Variants in ACP6 observed in about 807,000 individuals in gnomAD.
ACP6 encodes acid phosphatase 6, lysophosphatidic, also known as lysophosphatidic acid phosphatase type 6.
A neutral mutation model predicts 48.1 loss-of-function variants in ACP6; 48 were observed. The ratio of observed to expected loss-of-function variants is 1.00; its 90% CI spans 0.79 to 1.27. The LOEUF (loss-of-function observed/expected upper bound fraction) is 1.27, where lower values mean the gene tolerates loss of function less well. ACP6 is among the 50% of genes most tolerant of loss of function. The pLI is 0.00. For synonymous variants in ACP6, 172 were observed against 204.2 expected (o/e 0.84, Z 1.34); for missense variants, 485 against 529.1 (o/e 0.92, Z 0.82).
chr1:147,637,616 G>C (rs1553208215), downstream of ACP6, among the ~76,000 whole-genome samples: 1 of 152,104 alleles, frequency 6.6e-6, no homozygotes, highest in Non-Finnish European at 1.5e-5. Flanking sequence ...CCAGTACCAG[G>C]ATAGCCATTG....
chr1:147,670,176 C>A lies in ACP6; in HGVS notation c.-128G>T. The A allele has an allele frequency of 1.2e-6, 1 of 849,682 alleles. No homozygotes were observed. Among genetic ancestry groups the A allele is most frequent in the South Asian group, 1.9e-5 (1 of 53,894 alleles). The allele number at this position is 849,682 out of a possible 1,614,324, so 52.6% of individuals were successfully genotyped here. ...CTGCGGATGCGTACATCCAGCCCTT[C>A]AGCAAGCAGGGACCGCTGTGCCTCC... On this transcript the variant is annotated 5_prime_UTR_variant, in exon 1 of 10. Transcript: ENST00000583509.
chr1:147,655,699 A>G (rs1660219625), intron 4 of ACP6, among the ~76,000 whole-genome samples: 1 of 152,184 alleles, frequency 6.6e-6, no homozygotes, highest in African/African-American at 2.4e-5. Context: ...CAAACTGAGA[A>G]AAGTGGACAC....
chr1:147,630,489 T>C (rs1553207207), exon 6 of ACP6: 1 of 152,238 alleles, frequency 6.6e-6, no homozygotes, highest in Non-Finnish European at 1.5e-5. Context: ...TTCTCATCTT[T>C]ACCAAGCTTC....
At chr1:147,667,617 G>A (rs1660864371) in intron 1 of ACP6, among the ~76,000 whole-genome samples, 1 of 152,158 alleles carries the variant, frequency 6.6e-6, no homozygotes, top group Non-Finnish European at 1.5e-5. Flanking sequence ...TCAGAAATCA[G>A]GAAACATGTA....
Position 147,652,430 on chromosome 1 carries a change from A to G in ACP6, c.881+19T>C. ...GTCTGACCAAGCGTGACTTCATGCC[A>G]GCAGTGAGAGCCCCTCACCTGTCTT... On this transcript the variant is annotated intron_variant, in intron 7 of 9. Transcript: ENST00000583509. The G allele has an allele frequency of 6.2e-7, 1 of 1,603,976 alleles. No individual in the cohort carries two copies. The highest frequency in any genetic ancestry group is 1.1e-5 in the South Asian group (1 of 89,876).
At chr1:147,659,931 T>C (rs1553212465) in intron 1 of ACP6, among the ~76,000 whole-genome samples, 156 bp from the exon 2 acceptor site, 2 of 152,154 alleles carry the variant, frequency 1.3e-5, no homozygotes, top group African/African-American at 4.8e-5. Context: ...TAGCTAAAAT[T>C]AAGGGAAGAA....
At position 147,648,805 on chromosome 1, in the gene ACP6, G is replaced by A. The variant is rs189481222; in HGVS notation, c.978-394C>T. 4.7e-4 allele frequency among the ~76,000 whole-genome samples: 71 copies of A among 152,290 alleles called. 2 individuals carry two copies. Among genetic ancestry groups the A allele is most frequent in the African/African-American group, 1.5e-3 (61 of 41,548 alleles). Reference sequence around the variant, plus strand: ...TTTAGTAGGGCTCCTTGTTGGGGAAGCTTGAAGTTTTGGGGTATTAAGTTT... The same window carrying A: ...TTTAGTAGGGCTCCTTGTTGGGGAAACTTGAAGTTTTGGGGTATTAAGTTT... On this transcript the variant is annotated intron_variant, in intron 8 of 9. Coordinates refer to ENST00000583509, the MANE Select transcript of ACP6 (RefSeq NM_016361.5).
rs1313327770 is a variant in ACP6, at chr1:147,646,629, G to A, written c.*794C>T. The A allele has an allele frequency of 6.6e-6, 1 of 152,210 alleles. No individual in the cohort carries two copies. The highest frequency in any genetic ancestry group is 1.5e-5 in the Non-Finnish European group (1 of 68,098). 9.4% of individuals were successfully genotyped at this position (152,210 alleles called of 1,614,324 possible). On this transcript the variant is annotated 3_prime_UTR_variant, in exon 10 of 10. Coordinates refer to ENST00000583509, the MANE Select transcript of ACP6 (RefSeq NM_016361.5). ...GCACAGTTAAAGGTGGAGCTCTTAT[G>A]TTGAGTAGTTCCAGCCTTACCATTG...
At chr1:147,636,437 G>T (rs1304699774) in intron 5 of ACP6, among the ~76,000 whole-genome samples, 2 of 152,108 alleles carry the variant, frequency 1.3e-5, no homozygotes, top group South Asian at 2.1e-4. Context: ...GGGAAAGAAA[G>T]ATACCAGAAG....
chr1:147,654,489 A>C (rs1660129538), intron 5 of ACP6, among the ~76,000 whole-genome samples, 163 bp from the exon 6 acceptor site: 1 of 152,240 alleles, frequency 6.6e-6, no homozygotes, highest in Non-Finnish European at 1.5e-5. Context: ...CTAAGGCTCT[A>C]TAAGGTCAAA....
chr1:147,652,844 T>TC (rs1660016488), intron 6 of ACP6, among the ~76,000 whole-genome samples: 1 of 151,650 alleles, frequency 6.6e-6, no homozygotes, highest in African/African-American at 2.4e-5. Context: ...TTGGTTTTTT[T>TC]GAGACGGAGT....
In ACP6 at chr1:147,654,182, C is replaced by A. The variant is rs1553211136; in HGVS notation, c.780+12G>T. ...AGGCTATTATCCCAGGCTCCCCAACCCCAGGACTCACCTGCTCGGCAGCCA... is the reference window on the plus strand; with the variant it reads ...AGGCTATTATCCCAGGCTCCCCAACACCAGGACTCACCTGCTCGGCAGCCA... On this transcript the variant is annotated intron_variant, in intron 6 of 9. Transcript: ENST00000583509. 1 of 1,613,690 alleles carries A rather than the reference C, an allele frequency of 6.2e-7. No individual in the cohort carries two copies. The highest frequency in any genetic ancestry group is 8.5e-7 in the Non-Finnish European group (1 of 1,179,842).
chr1:147,633,302 C>T (rs1258296850), intron 5 of ACP6, among the ~76,000 whole-genome samples: 2 of 152,170 alleles, frequency 1.3e-5, no homozygotes, highest in Admixed American at 1.3e-4. Context: ...GCTAAATGCC[C>T]TGGTCCATCA....
At chr1:147,660,479 A>G (rs1660492691) in intron 1 of ACP6, among the ~76,000 whole-genome samples, 1 of 152,122 alleles carries the variant, frequency 6.6e-6, no homozygotes, top group Admixed American at 6.6e-5. Flanking sequence ...CCCCTTCCCA[A>G]TCTACTATGT....
At chr1:147,668,417 T>G (rs1191657237) in intron 1 of ACP6, among the ~76,000 whole-genome samples, 1 of 85,762 alleles carries the variant, frequency 1.2e-5, no homozygotes, top group Non-Finnish European at 2.4e-5. Context: ...GCCTTCAGGA[T>G]ATATATATAT....
At chr1:147,634,776 G>T (rs1553207815) in intron 5 of ACP6, among the ~76,000 whole-genome samples, 1 of 152,150 alleles carries the variant, frequency 6.6e-6, no homozygotes, top group African/African-American at 2.4e-5. Flanking sequence ...GGTCAGGAGT[G>T]GTCCCACCCT....
chr1:147,655,468 C>T (rs2148908856), intron 4 of ACP6, among the ~76,000 whole-genome samples: 1 of 152,324 alleles, frequency 6.6e-6, no homozygotes, highest in Middle Eastern at 3.4e-3. Context: ...TTAGTGGCAG[C>T]AGCCTTGTTC....
chr1:147,646,015 G>GA lies in ACP6; in HGVS notation c.*1407dup, dbSNP rs1659610244. 6.6e-6 allele frequency: 1 copy of GA among 152,230 alleles called. No homozygotes were observed. Among genetic ancestry groups the GA allele is most frequent in the Non-Finnish European group, 1.5e-5 (1 of 68,064 alleles). The allele number at this position is 152,230 out of a possible 1,614,324, so 9.4% of individuals were successfully genotyped here. On this transcript the variant is annotated 3_prime_UTR_variant, in exon 10 of 10. Transcript: ENST00000583509. ...AAGCACCAATGCAACTGGGTTAGCAGATTTGGTGGTTGGGTGTTGGGGGAT... is the reference window on the plus strand; with the variant it reads ...AAGCACCAATGCAACTGGGTTAGCAGAATTTGGTGGTTGGGTGTTGGGGGAT...
intron 1 of ACP6, 130 bp from the exon 2 acceptor site, chr1:147,659,905 G>T: frequency 8.8e-7 from 1 of 1,133,028 alleles, no homozygotes; most frequent in Non-Finnish European, 1.2e-6. Context: ...CCTATGGGAT[G>T]GAAGGAAAGA....
Sources: allele counts gnomAD v4.1 joint callset (sites outside exome capture counted in the v4.1 genomes callset), GRCh38; gene constraint gnomAD v4.1.1; transcripts MANE v1.5; gene names NCBI Gene and HGNC (gene_info 2026-07-23, HGNC 2026-07-21).